Variants in NELL2 observed in about 807,000 individuals in gnomAD.
The protein encoded by NELL2 is neural EGFL like 2.
A neutral mutation model predicts 109.6 loss-of-function variants in NELL2; 41 were observed. That is an observed-to-expected ratio of 0.37 (90% CI 0.29 to 0.49). NELL2 has a LOEUF of 0.49. Among genes scored for constraint, NELL2 ranks in the 20% least tolerant of loss-of-function variants. The pLI is 0.98. For synonymous variants in NELL2, 355 were observed against 344.7 expected (o/e 1.03, Z -0.33); for missense variants, 900 against 1,008.3 (o/e 0.89, Z 1.45).
chr12:44,894,024 T>C (rs1269780075), intron 1 of NELL2, among the ~76,000 whole-genome samples: 2 of 152,178 alleles, frequency 1.3e-5, no homozygotes, highest in African/African-American at 4.8e-5. Flanking sequence ...CACATCTACT[T>C]AGAACAAATC....
chr12:44,517,740 G>A (rs1941341412), intron 19 of NELL2, among the ~76,000 whole-genome samples: 1 of 152,040 alleles, frequency 6.6e-6, no homozygotes, highest in African/African-American at 2.4e-5. Context: ...GAACAACAGA[G>A]TGCCAGATAA....
intron 1 of NELL2, chr12:44,881,770 T>A (rs1945414428): frequency 6.6e-6 from 1 of 151,930 alleles, no homozygotes; most frequent in Non-Finnish European, 1.5e-5. Context: ...GCAAAAGACA[T>A]AAACTTACAG....
intron 1 of NELL2, among the ~76,000 whole-genome samples, chr12:44,884,018 G>C (rs957851526): frequency 6.6e-6 from 1 of 151,832 alleles, no homozygotes; most frequent in Non-Finnish European, 1.5e-5. Flanking sequence ...ACAATTAAAA[G>C]ACTGAACTCA....
At chr12:44,896,475 C>T (rs549111203) in intron 1 of NELL2, among the ~76,000 whole-genome samples, 5 of 152,146 alleles carry the variant, frequency 3.3e-5, no homozygotes, top group African/African-American at 4.8e-5. Context: ...AAAGGAATTC[C>T]GTGACCGAGG....
At chr12:44,700,668 A>C (rs562148816) in intron 12 of NELL2, among the ~76,000 whole-genome samples, 43 of 152,068 alleles carry the variant, frequency 2.8e-4, no homozygotes, top group African/African-American at 9.4e-4. Context: ...ATTTTCCCTA[A>C]CCCCACCACC....
intron 15 of NELL2, among the ~76,000 whole-genome samples, chr12:44,548,840 A>T (rs1291620313): frequency 6.6e-6 from 1 of 152,198 alleles, no homozygotes; most frequent in Non-Finnish European, 1.5e-5. Context: ...CACAATGATA[A>T]ATTTAAGCAC....
chr12:44,801,469 G>A (rs1942827500), intron 3 of NELL2, among the ~76,000 whole-genome samples: 1 of 152,108 alleles, frequency 6.6e-6, no homozygotes. Context: ...AAAGCTCATG[G>A]TGCTGCTCTA....
intron 15 of NELL2, among the ~76,000 whole-genome samples, chr12:44,545,995 T>C (rs1161254504): frequency 1.3e-5 from 2 of 152,160 alleles, no homozygotes; most frequent in Admixed American, 1.3e-4. Context: ...TGTCTTTGTA[T>C]AATAGTTTAC....
Position 44,711,278 on chromosome 12 carries a change from CAA to C in NELL2, c.1189+12_1189+13del, listed in dbSNP as rs993972777. 1 of 1,598,610 alleles carries C rather than the reference CAA, an allele frequency of 6.3e-7. No homozygotes were observed. The highest frequency in any genetic ancestry group is 1.3e-5 in the African/African-American group (1 of 74,516). On this transcript the variant is annotated intron_variant, in intron 11 of 19. Coordinates refer to ENST00000429094, the MANE Select transcript of NELL2 (RefSeq NM_001145108.2). ...ACTCTTGCACGTAAACCTTACTTTT[CAA>C]AAAAGTCTTACCTTTACAAACTTTG...
At chr12:44,861,679 T>C (rs1944848704) in intron 2 of NELL2, among the ~76,000 whole-genome samples, 1 of 151,964 alleles carries the variant, frequency 6.6e-6, no homozygotes. Flanking sequence ...GCCCATTCCA[T>C]CACCAGGGCA....
intron 13 of NELL2, among the ~76,000 whole-genome samples, chr12:44,643,029 A>C (rs1221133832): frequency 6.6e-6 from 1 of 152,242 alleles, no homozygotes; most frequent in Non-Finnish European, 1.5e-5. Flanking sequence ...TTTCAATACA[A>C]ACACGGATTC....
chr12:44,830,339 C>G (rs1943847921), intron 2 of NELL2, among the ~76,000 whole-genome samples: 1 of 152,106 alleles, frequency 6.6e-6, no homozygotes, highest in Non-Finnish European at 1.5e-5. Context: ...GCTAATTTGA[C>G]CTGAAACATC....
Position 44,875,807 on chromosome 12 carries a change from C to T in NELL2, c.55+8G>A, listed in dbSNP as rs1211220334. The T allele has an allele frequency of 3.1e-6, 5 of 1,613,602 alleles. No individual in the cohort carries two copies. The highest frequency in any genetic ancestry group is 3.3e-4 in the Middle Eastern group (2 of 5,986). ...CCTTTCCCCAGCCCCAGCTCTGCGGCCACTCACCTGCTCCGAGACCGAAGA... is the reference window on the plus strand; with the variant it reads ...CCTTTCCCCAGCCCCAGCTCTGCGGTCACTCACCTGCTCCGAGACCGAAGA... On this transcript the variant is annotated splice_region_variant and intron_variant, in intron 1 of 19. Coordinates refer to ENST00000429094, the MANE Select transcript of NELL2 (RefSeq NM_001145108.2).
intron 2 of NELL2, among the ~76,000 whole-genome samples, chr12:44,827,725 T>C (rs552329057): frequency 9.8e-5 from 15 of 152,314 alleles, no homozygotes; most frequent in Non-Finnish European, 2.1e-4. Context: ...GGTGGACATT[T>C]TGGTTGCTTT....
chr12:44,553,404 A>G (rs1943119823), intron 15 of NELL2, among the ~76,000 whole-genome samples: 1 of 152,182 alleles, frequency 6.6e-6, no homozygotes, highest in African/African-American at 2.4e-5. Context: ...TTAGACTGCT[A>G]TTTGGCTTCA....
At chr12:44,665,667 A>G in intron 12 of NELL2, 58 bp from the exon 13 acceptor site, 2 of 1,497,184 alleles carry the variant, frequency 1.3e-6, no homozygotes, top group East Asian at 2.3e-5. Context: ...GAGCTCCTAT[A>G]TAATTTTCTT....
chr12:44,704,986 T>C (rs1332220409), intron 11 of NELL2, among the ~76,000 whole-genome samples: 2 of 139,066 alleles, frequency 1.4e-5, no homozygotes, highest in Non-Finnish European at 3.0e-5. Context: ...GCCGCTGCAC[T>C]CCAGCCTGGG....
At chr12:44,584,937 T>C (rs754895532) in intron 15 of NELL2, among the ~76,000 whole-genome samples, 5 of 152,232 alleles carry the variant, frequency 3.3e-5, no homozygotes, top group East Asian at 1.9e-4. Context: ...GATCATCACA[T>C]TGTACTTTCT....
chr12:44,515,523 G>T (rs1941223005), intron 19 of NELL2, among the ~76,000 whole-genome samples: 1 of 151,754 alleles, frequency 6.6e-6, no homozygotes, highest in South Asian at 2.1e-4. Context: ...ACCTGAAAGG[G>T]GATCCAAAGG....
Sources: allele counts gnomAD v4.1 joint callset (sites outside exome capture counted in the v4.1 genomes callset), GRCh38; gene constraint gnomAD v4.1.1; transcripts MANE v1.5; gene names NCBI Gene and HGNC (gene_info 2026-07-23, HGNC 2026-07-21).